SLC9A7: variants seen among roughly 807,000 people sequenced by gnomAD.
SLC9A7 encodes solute carrier family 9 member A7.
In SLC9A7, 19 loss-of-function variants were observed where a neutral mutation model predicts 52.6. That is an observed-to-expected ratio of 0.36 (90% CI 0.25 to 0.53). The LOEUF (loss-of-function observed/expected upper bound fraction) is 0.53, where lower values mean the gene tolerates loss of function less well. Ranked by LOEUF, SLC9A7 falls within the 20% of genes least tolerant of loss-of-function variation. SLC9A7 has a pLI of 0.91. For synonymous variants in SLC9A7, 226 were observed against 252.1 expected (o/e 0.90, Z 0.98); for missense variants, 455 against 597.9 (o/e 0.76, Z 2.49).
intron 16 of SLC9A7, among the ~76,000 whole-genome samples, chrX:46,612,108 C>T (rs2051863424): frequency 8.9e-6 from 1 of 112,275 alleles, no homozygotes; most frequent in Admixed American, 9.4e-5. Flanking sequence ...GGGCCCGGGG[C>T]CAACTCACAT....
chrX:46,657,344 A>C (rs1313764287), intron 7 of SLC9A7, among the ~76,000 whole-genome samples: 1 of 108,986 alleles, frequency 9.2e-6, no homozygotes, highest in Non-Finnish European at 1.9e-5. Flanking sequence ...CTAACATCAT[A>C]ATGACAGGAT....
intron 14 of SLC9A7, among the ~76,000 whole-genome samples, chrX:46,627,649 A>C (rs1238756973): frequency 9.0e-6 from 1 of 111,315 alleles, no homozygotes; most frequent in African/African-American, 3.3e-5. Context: ...ACAGGTGCTC[A>C]ATAACTATTT....
chrX:46,696,332 A>C (rs1944449406), intron 1 of SLC9A7, among the ~76,000 whole-genome samples: 2 of 110,574 alleles, frequency 1.8e-5, no homozygotes, highest in African/African-American at 3.3e-5. Flanking sequence ...CACAAACCTA[A>C]AATATTCTTA....
chrX:46,631,513 T>C (rs1440586120), intron 14 of SLC9A7, 73 bp downstream of exon 14: 6 of 817,411 alleles, frequency 7.3e-6, no homozygotes, highest in Non-Finnish European at 1.1e-5. Flanking sequence ...ATTGAGGGAA[T>C]CTAGGTAAAG....
rs146897236 is a variant in SLC9A7, at chrX:46,724,653, T to C, written c.325+34052A>G. Among the ~76,000 whole-genome samples the C allele has an allele frequency of 1.0e-3, 111 of 111,484 alleles. 4 individuals carry two copies. The East Asian group carries it at 0.014, about 14-fold the overall frequency. ...TACAGTAGTGATAACTCCATTCCAA[T>C]ATTGGACACAGTAATGATTTGTTCA... On this transcript the variant is annotated intron_variant, in intron 1 of 16. Coordinates refer to ENST00000616978, the MANE Select transcript of SLC9A7 (RefSeq NM_001257291.2).
chrX:46,704,286 G>A (rs778697298), intron 1 of SLC9A7, among the ~76,000 whole-genome samples: 10 of 112,184 alleles, frequency 8.9e-5, no homozygotes, highest in Non-Finnish European at 1.3e-4. Context: ...GAATGTGGTC[G>A]TCACTCAACA....
chrX:46,714,587 C>T (rs1042132615), intron 1 of SLC9A7, among the ~76,000 whole-genome samples: 2 of 111,180 alleles, frequency 1.8e-5, no homozygotes, highest in African/African-American at 6.5e-5. Context: ...TTTTTGAGAT[C>T]CCCGACAAAT....
At chrX:46,621,382 T>C (rs1351276954) in intron 14 of SLC9A7, among the ~76,000 whole-genome samples, 1 of 112,474 alleles carries the variant, frequency 8.9e-6, no homozygotes, top group Non-Finnish European at 1.9e-5. Flanking sequence ...TAAAATACTC[T>C]AGATACTAAC....
chrX:46,650,235 G>A (rs1208801912), intron 10 of SLC9A7, among the ~76,000 whole-genome samples: 1 of 111,456 alleles, frequency 9.0e-6, no homozygotes, highest in Non-Finnish European at 1.9e-5. Flanking sequence ...AGGCAAATGT[G>A]AATGTCCAGC....
At chrX:46,653,565 A>G in intron 8 of SLC9A7, 44 bp downstream of exon 8, 1 of 947,882 alleles carries the variant, frequency 1.1e-6, no homozygotes, top group East Asian at 3.1e-5. Context: ...CACAGACCCC[A>G]CTACAGTGAG....
chrX:46,742,005 T>C (rs962396327), intron 1 of SLC9A7, among the ~76,000 whole-genome samples: 13 of 111,575 alleles, frequency 1.2e-4, no homozygotes, highest in Non-Finnish European at 2.3e-4. Context: ...AAAAAGGATA[T>C]ATAAATGACA....
intron 1 of SLC9A7, among the ~76,000 whole-genome samples, chrX:46,718,227 GA>G (rs1944802173): frequency 9.0e-6 from 1 of 111,559 alleles, no homozygotes; most frequent in Non-Finnish European, 1.9e-5. Flanking sequence ...ATGGTGCTGG[GA>G]AAACTGGCTA....
At chrX:46,649,830 G>A (rs1025467465) in intron 10 of SLC9A7, among the ~76,000 whole-genome samples, 6 of 112,800 alleles carry the variant, frequency 5.3e-5, no homozygotes, top group Non-Finnish European at 9.4e-5. Context: ...TAAGTGGTAA[G>A]CAGCAGTTAG....
intron 1 of SLC9A7, among the ~76,000 whole-genome samples, chrX:46,719,422 A>G (rs1944824768): frequency 9.0e-6 from 1 of 111,370 alleles, no homozygotes; most frequent in Non-Finnish European, 1.9e-5. Context: ...GTACACATGT[A>G]CCCTAGAACT....
At chrX:46,624,948 G>A (rs1012590750) in intron 14 of SLC9A7, among the ~76,000 whole-genome samples, 14 of 111,903 alleles carry the variant, frequency 1.3e-4, no homozygotes, top group Non-Finnish European at 1.7e-4. Context: ...AACACAAAGA[G>A]GAATGTAACT....
chrX:46,748,083 A>G (rs746514768), intron 1 of SLC9A7, among the ~76,000 whole-genome samples: 102 of 111,827 alleles, frequency 9.1e-4, no homozygotes, highest in African/African-American at 3.0e-3. Context: ...ACAGTGGCTC[A>G]TGCCTGTAAT....
intron 1 of SLC9A7, among the ~76,000 whole-genome samples, chrX:46,688,152 A>G (rs1944324982): frequency 2.7e-5 from 3 of 112,444 alleles, no homozygotes; most frequent in Non-Finnish European, 5.6e-5. Flanking sequence ...TTTGCATACA[A>G]GTCTGTGGAC....
intron 1 of SLC9A7, among the ~76,000 whole-genome samples, chrX:46,727,098 C>T (rs148537158): frequency 0.014 from 1,594 of 111,772 alleles, 30 homozygotes; most frequent in African/African-American, 0.049. Context: ...TCATGAATGC[C>T]AATTCACTTT....
chrX:46,643,560 C>T (rs1237498695), intron 11 of SLC9A7, among the ~76,000 whole-genome samples, 171 bp from the exon 12 acceptor site: 1 of 112,035 alleles, frequency 8.9e-6, no homozygotes, highest in Non-Finnish European at 1.9e-5. Context: ...TTATTTGATG[C>T]TGTCTTTTGC....
Sources: allele counts gnomAD v4.1 joint callset (sites outside exome capture counted in the v4.1 genomes callset), GRCh38; gene constraint gnomAD v4.1.1; transcripts MANE v1.5; gene names NCBI Gene and HGNC (gene_info 2026-07-23, HGNC 2026-07-21).